Variants in ARHGAP32 observed in about 807,000 individuals in gnomAD.
ARHGAP32 encodes Rho GTPase activating protein 32.
Under a neutral mutation model 186.5 loss-of-function variants are expected in ARHGAP32, and 51 were observed. The ratio of observed to expected loss-of-function variants is 0.27; its 90% CI spans 0.22 to 0.35. The LOEUF is 0.35. Ranked by LOEUF, ARHGAP32 falls within the 10% of genes least tolerant of loss-of-function variation. ARHGAP32 has a pLI of 1.00. For missense variants in ARHGAP32, 2,186 were observed against 2,623.5 expected (o/e 0.83, Z 3.64); for synonymous variants, 950 against 964.3 (o/e 0.99, Z 0.27).
intron 5 of ARHGAP32, among the ~76,000 whole-genome samples, chr11:129,105,704 A>G (rs1009670071): frequency 6.6e-6 from 1 of 152,178 alleles, no homozygotes; most frequent in Non-Finnish European, 1.5e-5. Context: ...TTACTACACT[A>G]TAATATTCAA....
rs563847041 is a variant in ARHGAP32, at chr11:129,170,764, G to T, written c.117-6337C>A. On this transcript the variant is annotated intron_variant, in intron 1 of 22. Coordinates refer to ENST00000682385, the MANE Select transcript of ARHGAP32 (RefSeq NM_001378024.1). ...TGCCATAGTGTCTTCCACAAGGGTT[G>T]AACTAATTTACATTCCCACCAACAG... is the stretch of plus-strand genomic sequence containing the variant. 7.2e-5 allele frequency among the ~76,000 whole-genome samples: 11 copies of T among 152,328 alleles called. No individual in the cohort carries two copies. The South Asian group carries it at 2.3e-3, about 32-fold the overall frequency.
At chr11:129,171,280 CT>C (rs1943754427) in intron 1 of ARHGAP32, among the ~76,000 whole-genome samples, 1 of 152,178 alleles carries the variant, frequency 6.6e-6, no homozygotes, top group Non-Finnish European at 1.5e-5. Flanking sequence ...CCTAGGTTTT[CT>C]TCTAGGGTTT....
At chr11:129,166,869 TAAC>T (rs1565452680) in intron 1 of ARHGAP32, among the ~76,000 whole-genome samples, 1 of 152,148 alleles carries the variant, frequency 6.6e-6, no homozygotes, top group Non-Finnish European at 1.5e-5. Flanking sequence ...CTTATGAAGT[TAAC>T]AATATATACA....
At chr11:129,128,271 A>G (rs1297190042) in intron 2 of ARHGAP32, among the ~76,000 whole-genome samples, 1 of 152,170 alleles carries the variant, frequency 6.6e-6, no homozygotes, top group Non-Finnish European at 1.5e-5. Flanking sequence ...ATTGCCATGT[A>G]GTGTTCTCTA....
At chr11:129,200,268 A>G (rs1005892164) in intron 1 of ARHGAP32, among the ~76,000 whole-genome samples, 7 of 152,146 alleles carry the variant, frequency 4.6e-5, no homozygotes, top group African/African-American at 1.7e-4. Context: ...ATGTAAGGAT[A>G]CAAGATGTGG....
At chr11:129,174,067 C>T (rs982626024) in intron 1 of ARHGAP32, among the ~76,000 whole-genome samples, 8 of 152,186 alleles carry the variant, frequency 5.3e-5, no homozygotes, top group African/African-American at 1.2e-4. Context: ...ACAGTGGGCA[C>T]AGGACAGTGG....
At chr11:129,079,435 G>A (rs534414816) in intron 6 of ARHGAP32, among the ~76,000 whole-genome samples, 48 of 152,172 alleles carry the variant, frequency 3.2e-4, no homozygotes, top group Admixed American at 2.7e-3. Context: ...GGGACTGGAA[G>A]CCTCTCTTTA....
chr11:129,169,456 C>T (rs1943708509), intron 1 of ARHGAP32, among the ~76,000 whole-genome samples: 1 of 151,654 alleles, frequency 6.6e-6, no homozygotes, highest in Admixed American at 6.6e-5. Context: ...ACGGTGAAAC[C>T]CCGTCTCTAC....
rs868738551 is a variant in ARHGAP32 at position 129,178,634 on chromosome 11, T to C, written c.116+13449A>G. On this transcript the variant is annotated intron_variant, in intron 1 of 22. Transcript: ENST00000682385. ...AACAGAACAGAGCCCTCAGAAATAATGCCGCATATCTACAACTATCTGATC... is the reference window on the plus strand; with the variant it reads ...AACAGAACAGAGCCCTCAGAAATAACGCCGCATATCTACAACTATCTGATC... Among the ~76,000 whole-genome samples, 230 of 151,948 alleles carry C rather than the reference T, an allele frequency of 1.5e-3. 1 individual carries two copies. The highest frequency in any genetic ancestry group is 5.6e-3 in the Admixed American group (85 of 15,236).
Position 129,040,944 on chromosome 11 carries a change from G to A in ARHGAP32, c.1029C>T (p.Asn343=). ...INQKVPQSVT[N]SVPKPVSKKH... Reference sequence around the variant, plus strand: ...TGTACTCACCTGGTTTTGGCACTGAGTTGGTCACTGACTGGGGAACTTTTT... The same window carrying A: ...TGTACTCACCTGGTTTTGGCACTGAATTGGTCACTGACTGGGGAACTTTTT... The change falls in exon 11 of 23, where the codon AAC becomes AAT. Residue 343 remains asparagine, a synonymous_variant. Transcript: ENST00000682385. The A allele has an allele frequency of 1.2e-6, 2 of 1,605,960 alleles. No homozygotes were observed. The highest frequency in any genetic ancestry group is 1.7e-6 in the Non-Finnish European group (2 of 1,176,002).
intron 1 of ARHGAP32, among the ~76,000 whole-genome samples, chr11:129,278,380 C>T (rs1027066746): frequency 1.3e-5 from 2 of 152,166 alleles, no homozygotes; most frequent in African/African-American, 2.4e-5. Context: ...GCTTGGGTCT[C>T]CTCCTTCCTT....
At chr11:129,011,279 A>C (rs1591530158) in intron 11 of ARHGAP32, among the ~76,000 whole-genome samples, 1 of 152,254 alleles carries the variant, frequency 6.6e-6, no homozygotes, top group South Asian at 2.1e-4. Flanking sequence ...GAGAATGCTA[A>C]GTTAATGTGC....
rs924427347 is a variant in ARHGAP32 at position 129,086,023 on chromosome 11, A to C, written c.531+7598T>G. On this transcript the variant is annotated intron_variant, in intron 6 of 22. Transcript: ENST00000682385. ...AAACAAACAAACAAACAAACAAAAA[A>C]AAAAAACAAAAAAAAGAAGCCATAC... Among the ~76,000 whole-genome samples, 18 of 151,532 alleles carry C rather than the reference A, an allele frequency of 1.2e-4. No homozygotes were observed. The South Asian group carries it at 1.7e-3, about 14-fold the overall frequency.
At chr11:129,191,954 G>T (rs2511810) in intron 1 of ARHGAP32, 129 bp downstream of exon 1, 455,186 of 694,734 alleles carry the variant, frequency 0.66, 151,444 homozygotes, top group Non-Finnish European at 0.7. Context: ...CTGCTCCCTT[G>T]AGCTCCAAAC....
chr11:129,247,667 T>C (rs75950621), intron 1 of ARHGAP32, among the ~76,000 whole-genome samples: 5,945 of 152,276 alleles, frequency 0.039, 157 homozygotes, highest in Non-Finnish European at 0.056. Flanking sequence ...TTTTAAAACA[T>C]TAAAACACTG....
chr11:129,266,240 T>C (rs1443300125), intron 1 of ARHGAP32, among the ~76,000 whole-genome samples: 1 of 152,144 alleles, frequency 6.6e-6, no homozygotes, highest in Non-Finnish European at 1.5e-5. Context: ...TGTCACTAGA[T>C]AAGTGACTTA....
chr11:129,235,410 A>G (rs1944915719), intron 1 of ARHGAP32, among the ~76,000 whole-genome samples: 1 of 152,188 alleles, frequency 6.6e-6, no homozygotes, highest in South Asian at 2.1e-4. Flanking sequence ...TACTATATGT[A>G]TAAATATGTG....
At chr11:129,011,228 G>T (rs533808733) in intron 11 of ARHGAP32, among the ~76,000 whole-genome samples, 13 of 152,230 alleles carry the variant, frequency 8.5e-5, no homozygotes, top group African/African-American at 3.1e-4. Context: ...CCACTATTAG[G>T]AAAATATTTA....
chr11:129,088,641 ACAAT>A (rs1485950843), intron 6 of ARHGAP32, among the ~76,000 whole-genome samples: 1 of 152,174 alleles, frequency 6.6e-6, no homozygotes, highest in South Asian at 2.1e-4. Context: ...GACTGAATAA[ACAAT>A]CAGAGTATTT....
Sources: allele counts gnomAD v4.1 joint callset (sites outside exome capture counted in the v4.1 genomes callset), GRCh38; gene constraint gnomAD v4.1.1; transcripts MANE v1.5; gene names NCBI Gene and HGNC (gene_info 2026-07-23, HGNC 2026-07-21).